SEL1L3: variants seen among roughly 807,000 people sequenced by gnomAD.
The protein encoded by SEL1L3 is protein sel-1 homolog 3.
In SEL1L3, 76 loss-of-function variants were observed where a neutral mutation model predicts 142.8. The ratio of observed to expected loss-of-function variants is 0.53; its 90% CI spans 0.44 to 0.64. SEL1L3 has a LOEUF of 0.64. Among genes scored for constraint, SEL1L3 ranks in the 30% least tolerant of loss-of-function variants. The pLI, the probability that SEL1L3 is intolerant of heterozygous loss-of-function variation, is 0.00. For synonymous variants in SEL1L3, 504 were observed against 519.6 expected (o/e 0.97, Z 0.41); for missense variants, 1,262 against 1,381.7 (o/e 0.91, Z 1.37).
the SEL1L3 span, among the ~76,000 whole-genome samples, chr4:25,740,476 C>T: frequency 6.6e-6 from 1 of 151,680 alleles, no homozygotes; most frequent in Non-Finnish European, 1.5e-5. Context: ...CTTACTGGTG[C>T]ATGGTTTTCT....
At chr4:25,764,479 T>A (rs1342133248) in intron 20 of SEL1L3, among the ~76,000 whole-genome samples, 1 of 152,226 alleles carries the variant, frequency 6.6e-6, no homozygotes, top group Non-Finnish European at 1.5e-5. Context: ...AACTCTCACC[T>A]CTTTTTGCAA....
rs141416170 is a variant in SEL1L3, at chr4:25,824,158, G to A, written c.1158-2030C>T. Among the ~76,000 whole-genome samples the A allele has an allele frequency of 1.2e-3, 182 of 152,270 alleles. 1 individual carries two copies. The highest frequency in any genetic ancestry group is 4.2e-3 in the African/African-American group (175 of 41,558). On this transcript the variant is annotated intron_variant, in intron 6 of 23. Transcript: ENST00000399878. ...CATAAAGTTATTATCTCTGAGAGTT[G>A]CGAACTGAGTCTGTTTTCCAAGACC...
Position 25,804,558 on chromosome 4 carries a change from G to C in SEL1L3, c.1759C>G (p.Pro587Ala), listed in dbSNP as rs2109224818. 6.2e-7 allele frequency: 1 copy of C among 1,611,380 alleles called. No homozygotes were observed. The highest frequency in any genetic ancestry group is 1.1e-5 in the South Asian group (1 of 90,692). Residue 587 changes from proline to alanine, a missense_variant, in exon 10 of 24, where the codon CCT becomes GCT. Physicochemically the swap from Pro to Ala is conservative, Grantham distance 27. Around this residue, in one of 3 missense-constraint regions of SEL1L3, gnomAD observed 435 missense variants for 559.2 expected, o/e 0.78. Transcript: ENST00000399878. The stretch of plus-strand genomic sequence containing the variant: ...TACTCTACCTGCAGCTGATCCCGAG[G>C]AACATTTAATCCAGTCTCATAAAAG... ...AVFYETGLNV[P>A]RDQLQGMLYS...
intron 6 of SEL1L3, among the ~76,000 whole-genome samples, chr4:25,822,804 T>C (rs764089552): frequency 3.9e-5 from 6 of 152,188 alleles, no homozygotes; most frequent in Non-Finnish European, 7.3e-5. Context: ...ATTTATAGAA[T>C]GCATGAAGGT....
the SEL1L3 span, among the ~76,000 whole-genome samples, chr4:25,721,619 T>A: frequency 6.6e-6 from 1 of 152,140 alleles, no homozygotes; most frequent in Non-Finnish European, 1.5e-5. Flanking sequence ...ACCAAAGAAC[T>A]AAGACTTGGA....
chr4:25,728,963 A>G, the SEL1L3 span, among the ~76,000 whole-genome samples: 40 of 152,136 alleles, frequency 2.6e-4, no homozygotes, highest in African/African-American at 9.4e-4. Context: ...CACAAATACT[A>G]CGTTTCCAAC....
chr4:25,809,708 C>T (rs548586347), intron 9 of SEL1L3, among the ~76,000 whole-genome samples: 1 of 152,132 alleles, frequency 6.6e-6, no homozygotes, highest in African/African-American at 2.4e-5. Context: ...AAAGCATAGC[C>T]CATTGTTTGT....
intron 11 of SEL1L3, 38 bp downstream of exon 11, chr4:25,802,245 G>A (rs953016268): frequency 1.3e-6 from 2 of 1,572,614 alleles, no homozygotes; most frequent in African/African-American, 1.4e-5. Context: ...CAGGTAAACA[G>A]GGCCATAACC....
chr4:25,754,565 C>A (rs767627369), intron 23 of SEL1L3, among the ~76,000 whole-genome samples: 1 of 151,728 alleles, frequency 6.6e-6, no homozygotes, highest in African/African-American at 2.4e-5. Flanking sequence ...GTACCACTGT[C>A]GGGGCACATT....
At chr4:25,759,102 C>T in intron 20 of SEL1L3, 34 bp from the exon 21 acceptor site, 1 of 1,604,644 alleles carries the variant, frequency 6.2e-7, no homozygotes, top group South Asian at 1.1e-5. Context: ...CTCATCAAAT[C>T]CTTGAAATAA....
chr4:25,828,390 G>GTT (rs59020419), intron 6 of SEL1L3, among the ~76,000 whole-genome samples: 61 of 140,766 alleles, frequency 4.3e-4, no homozygotes, highest in African/African-American at 1.1e-3. Context: ...TTATCTTTTC[G>GTT]TTTTTTTTTT....
At chr4:25,749,729 C>T (rs1407245012) in intron 23 of SEL1L3, among the ~76,000 whole-genome samples, 1 of 152,170 alleles carries the variant, frequency 6.6e-6, no homozygotes, top group Non-Finnish European at 1.5e-5. Context: ...GCCTGGGGGA[C>T]CATTTTCTGT....
intron 9 of SEL1L3, among the ~76,000 whole-genome samples, chr4:25,808,347 C>T (rs1713741024): frequency 6.6e-6 from 1 of 152,142 alleles, no homozygotes; most frequent in Non-Finnish European, 1.5e-5. Context: ...TTCCATGTAG[C>T]CCAGAATCAT....
chr4:25,816,139 A>ACATATATTATATATGTATATTAT (rs1435580286), intron 9 of SEL1L3, among the ~76,000 whole-genome samples: 6 of 147,304 alleles, frequency 4.1e-5, no homozygotes, highest in African/African-American at 1.5e-4. Context: ...TACATAATAT[A>ACATATATTATATATGTATATTAT]ATATACATAT....
intron 3 of SEL1L3, among the ~76,000 whole-genome samples, chr4:25,834,783 C>T (rs1475810206): frequency 6.6e-6 from 1 of 152,110 alleles, no homozygotes; most frequent in Non-Finnish European, 1.5e-5. Context: ...AAAAAAAATA[C>T]ATATATCTGG....
chr4:25,780,782 AAT>A (rs1003667415), intron 15 of SEL1L3, among the ~76,000 whole-genome samples: 1 of 144,666 alleles, frequency 6.9e-6, no homozygotes, highest in African/African-American at 2.5e-5. Flanking sequence ...TAAAAAATAA[AAT>A]ACACATAAAT....
chr4:25,732,976 C>T, the SEL1L3 span, among the ~76,000 whole-genome samples: 1 of 152,068 alleles, frequency 6.6e-6, no homozygotes, highest in South Asian at 2.1e-4. Context: ...AAACTCCTGA[C>T]CTCAAGTGAT....
In SEL1L3 at chr4:25,748,460, G is replaced by A. The variant is rs7671168; in HGVS notation, c.3364C>T (p.Pro1122Ser). 4.3e-4 allele frequency: 697 copies of A among 1,611,822 alleles called. 3 individuals are homozygous for A. In the African/African-American group the frequency reaches 8.3e-3, roughly 19 times the overall value. Residue 1122 changes from proline (P) to serine (S), a missense_variant, in exon 24 of 24, where the codon CCC (proline) becomes TCC (serine). Physicochemically the swap from Pro to Ser is moderately conservative, Grantham distance 74. Coordinates refer to ENST00000399878, the MANE Select transcript of SEL1L3 (RefSeq NM_015187.5). ...GGCTCCGGGTTATTAGTTACTGTGG[G>A]CTGGTCTTGGTCAGAGGCATCTGCA... Reference protein sequence around the residue: ...PAADASDQDQPTVTNNPEPRG With the variant: ...PAADASDQDQSTVTNNPEPRG
chr4:25,848,768 C>G (rs1321396093), intron 1 of SEL1L3, among the ~76,000 whole-genome samples: 1 of 152,178 alleles, frequency 6.6e-6, no homozygotes, highest in Admixed American at 6.5e-5. Flanking sequence ...CTTATGCACT[C>G]TTAATGAGAA....
Sources: allele counts gnomAD v4.1 joint callset (sites outside exome capture counted in the v4.1 genomes callset), GRCh38; gene constraint gnomAD v4.1.1; regional missense constraint gnomAD v4.1.1; transcripts MANE v1.5; gene names NCBI Gene and HGNC (gene_info 2026-07-23, HGNC 2026-07-21).